The following LDLRAD4 variants were observed in gnomAD, a reference collection of about 807,000 sequenced individuals.
LDLRAD4 encodes low density lipoprotein receptor class A domain containing 4, also known as low-density lipoprotein receptor class A domain-containing protein 4.
LDLRAD4 carries 5 observed loss-of-function variants against 17.0 expected under a neutral mutation model. The observed-to-expected ratio is 0.29, with a 90% confidence interval of 0.15 to 0.62. The LOEUF (loss-of-function observed/expected upper bound fraction) is 0.62. Among genes scored for constraint, LDLRAD4 ranks in the 20% least tolerant of loss-of-function variants. The probability of loss-of-function intolerance (pLI) is 0.84; values close to 1 mark genes in which losing one functional copy is unlikely to be tolerated. For missense variants in LDLRAD4, 340 were observed against 424.7 expected (o/e 0.80, Z 1.75); for synonymous variants, 168 against 171.8 (o/e 0.98, Z 0.17).
chr18:13,325,424 C>G (rs994902486), intron 1 of LDLRAD4, among the ~76,000 whole-genome samples: 1 of 152,172 alleles, frequency 6.6e-6, no homozygotes, highest in Non-Finnish European at 1.5e-5. Flanking sequence ...TCTGCCCAGT[C>G]CACTCCCTTG....
chr18:13,477,977 T>G (rs539442869), intron 3 of LDLRAD4, among the ~76,000 whole-genome samples: 1 of 152,322 alleles, frequency 6.6e-6, no homozygotes, highest in African/African-American at 2.4e-5. Context: ...GCAGGTGCTT[T>G]TTACTCATCT....
rs11080644 is a variant in LDLRAD4 at position 13,327,844 on chromosome 18, G to A, written c.-383+49656G>A. Among the ~76,000 whole-genome samples the A allele has an allele frequency of 5.5e-3, 835 of 152,266 alleles. 5 individuals carry two copies. The highest frequency in any genetic ancestry group is 0.019 in the African/African-American group (794 of 41,560). Reference sequence around the variant, plus strand: ...CACGAGCCATATCCCCTGGCCTCCTGCTTTGCTTCTGGGCTGTCATCAATC... The same window carrying A: ...CACGAGCCATATCCCCTGGCCTCCTACTTTGCTTCTGGGCTGTCATCAATC... On this transcript the variant is annotated intron_variant, in intron 1 of 5. Coordinates refer to ENST00000359446, the Ensembl canonical transcript of LDLRAD4.
intron 3 of LDLRAD4, among the ~76,000 whole-genome samples, chr18:13,593,583 GTCCATCCATCCA>G (rs993021725): frequency 2.0e-5 from 3 of 147,956 alleles, no homozygotes; most frequent in East Asian, 3.9e-4. Context: ...CCGTCCGTCC[GTCCATCCATCCA>G]TCCATCCATC....
At chr18:13,423,385 T>C (rs116800752) in intron 2 of LDLRAD4, among the ~76,000 whole-genome samples, 4,066 of 151,316 alleles carry the variant, frequency 0.027, 192 homozygotes, top group African/African-American at 0.095. Context: ...CCTAGCTACT[T>C]AGGAAGCTGA....
chr18:13,610,882 G>A (rs1208284319), intron 3 of LDLRAD4, among the ~76,000 whole-genome samples: 3 of 152,154 alleles, frequency 2.0e-5, no homozygotes, highest in Admixed American at 2.0e-4. Context: ...GCACAGGGAG[G>A]GGAGTTCCAT....
intron 3 of LDLRAD4, among the ~76,000 whole-genome samples, chr18:13,475,194 A>G (rs2092906641): frequency 6.6e-6 from 1 of 152,166 alleles, no homozygotes; most frequent in South Asian, 2.1e-4. Context: ...TTTTTCACTT[A>G]GGTTAAACAA....
At chr18:13,619,379 A>T (rs1344479640) in intron 3 of LDLRAD4, among the ~76,000 whole-genome samples, 2 of 151,858 alleles carry the variant, frequency 1.3e-5, no homozygotes, top group African/African-American at 4.8e-5. Context: ...TTCTATTGGA[A>T]CCCAATTGCA....
chr18:13,528,057 T>G (rs2094062400), intron 3 of LDLRAD4, among the ~76,000 whole-genome samples: 2 of 152,208 alleles, frequency 1.3e-5, no homozygotes, highest in South Asian at 4.1e-4. Context: ...CTACCCAAAG[T>G]TGTGGCTTCT....
At position 13,538,021 on chromosome 18, in the gene LDLRAD4, GT is replaced by G. The variant is rs538926629; in HGVS notation, c.182-83095del. 4.1e-4 allele frequency among the ~76,000 whole-genome samples: 62 copies of G among 152,114 alleles called. No homozygotes were observed. The South Asian group carries it at 0.01, about 25-fold the overall frequency. ...TTTAATATTTGTAGGATCTGTAGTGGTATTTCCTCTTTTGTTCTTGATCTTG... is the reference window on the plus strand; with the variant it reads ...TTTAATATTTGTAGGATCTGTAGTGGATTTCCTCTTTTGTTCTTGATCTTG... On this transcript the variant is annotated intron_variant, in intron 3 of 5. Transcript: ENST00000359446.
At chr18:13,624,817 G>A (rs1233188242) in intron 4 of LDLRAD4, among the ~76,000 whole-genome samples, 2 of 152,216 alleles carry the variant, frequency 1.3e-5, no homozygotes, top group African/African-American at 4.8e-5. Context: ...GGCAGAGCCT[G>A]GCAGTCCTCT....
intron 1 of LDLRAD4, among the ~76,000 whole-genome samples, chr18:13,378,681 T>C (rs1308061304): frequency 6.6e-6 from 1 of 152,208 alleles, no homozygotes; most frequent in Non-Finnish European, 1.5e-5. Flanking sequence ...TTCTTGACAT[T>C]TTTTTCCTCT....
chr18:13,273,269 G>A (rs1000064020), upstream of LDLRAD4, among the ~76,000 whole-genome samples: 7 of 152,040 alleles, frequency 4.6e-5, no homozygotes, highest in Admixed American at 3.9e-4. Flanking sequence ...TTCCTGAGAT[G>A]GCTCTTCACT....
intron 3 of LDLRAD4, among the ~76,000 whole-genome samples, chr18:13,447,335 C>T (rs1455198775): frequency 3.9e-5 from 6 of 152,194 alleles, no homozygotes; most frequent in Non-Finnish European, 7.3e-5. Flanking sequence ...CGCTGGCAGC[C>T]TCACACCCTC....
chr18:13,590,219 G>A (rs374772175), intron 3 of LDLRAD4, among the ~76,000 whole-genome samples: 1 of 151,646 alleles, frequency 6.6e-6, no homozygotes, highest in Non-Finnish European at 1.5e-5. Flanking sequence ...GTATGGGAGG[G>A]TGTGTGGGTA....
At chr18:13,370,724 T>TTTTTGTTTTTTTTG (rs2084429292) in intron 1 of LDLRAD4, among the ~76,000 whole-genome samples, 1 of 146,080 alleles carries the variant, frequency 6.8e-6, no homozygotes, top group Non-Finnish European at 1.5e-5. Flanking sequence ...TTTTTTTTTT[T>TTTTTGTTTTTTTTG]TTTTGAGATG....
chr18:13,273,065 G>A (rs1038267108), intron 1 of LDLRAD4, among the ~76,000 whole-genome samples: 10 of 152,216 alleles, frequency 6.6e-5, no homozygotes, highest in East Asian at 3.8e-4. Flanking sequence ...GAATGCACAC[G>A]TGCATTTTAT....
intron 1 of LDLRAD4, among the ~76,000 whole-genome samples, chr18:13,262,495 C>T (rs372592322): frequency 4.1e-5 from 4 of 96,894 alleles, no homozygotes; most frequent in South Asian, 4.2e-4. Context: ...CGGCCCTGTG[C>T]GTGGAAACTG....
intron 3 of LDLRAD4, chr18:13,471,422 A>G (rs959552297): frequency 6.6e-6 from 1 of 152,276 alleles, no homozygotes; most frequent in African/African-American, 2.4e-5. Flanking sequence ...GGGATGTAGC[A>G]TTGTTTTTCT....
intron 1 of LDLRAD4, among the ~76,000 whole-genome samples, chr18:13,318,673 G>A (rs2081058732): frequency 6.6e-6 from 1 of 152,206 alleles, no homozygotes; most frequent in Admixed American, 6.5e-5. Context: ...CTCTTAATGT[G>A]CCGCTAGGCA....
Sources: allele counts gnomAD v4.1 joint callset (sites outside exome capture counted in the v4.1 genomes callset), GRCh38; gene constraint gnomAD v4.1.1; transcripts MANE v1.5; gene names NCBI Gene and HGNC (gene_info 2026-07-23, HGNC 2026-07-21).